The following PREX1 variants were observed in gnomAD, a reference collection of about 807,000 sequenced individuals.
PREX1 encodes phosphatidylinositol 3,4,5-trisphosphate-dependent Rac exchanger 1 protein.
PREX1 carries 41 observed loss-of-function variants against 198.3 expected under a neutral mutation model. The observed-to-expected ratio is 0.21, with a 90% CI of 0.16 to 0.27. PREX1 has a LOEUF of 0.27. Ranked by LOEUF, PREX1 falls within the 10% of genes least tolerant of loss-of-function variation. PREX1 has a pLI of 1.00. For synonymous variants in PREX1, 843 were observed against 887.2 expected (o/e 0.95, Z 0.89); for missense variants, 1,620 against 2,200.7 (o/e 0.74, Z 5.28).
chr20:48,712,278 C>T (rs1353226789), intron 5 of PREX1, among the ~76,000 whole-genome samples: 1 of 152,164 alleles, frequency 6.6e-6, no homozygotes, highest in Non-Finnish European at 1.5e-5. Context: ...GGTCCCCTAC[C>T]CAAGGGCACG....
intron 10 of PREX1, among the ~76,000 whole-genome samples, chr20:48,683,170 ATGTT>A (rs1436220160): frequency 6.6e-6 from 1 of 152,126 alleles, no homozygotes; most frequent in African/African-American, 2.4e-5. Flanking sequence ...AGGGGAACAG[ATGTT>A]TGAGTGCCCA....
intron 1 of PREX1, among the ~76,000 whole-genome samples, chr20:48,778,948 GAA>G (rs1478284672): frequency 6.6e-6 from 1 of 152,018 alleles, no homozygotes; most frequent in Non-Finnish European, 1.5e-5. Flanking sequence ...CTGAGATTAA[GAA>G]AAGAGTTCTT....
intron 1 of PREX1, among the ~76,000 whole-genome samples, chr20:48,802,267 A>G (rs541308986): frequency 1.3e-5 from 2 of 152,058 alleles, no homozygotes; most frequent in East Asian, 3.9e-4. Context: ...CTCTTACAAT[A>G]AAAGCCCAAC....
At chr20:48,845,523 C>T in the PREX1 span, among the ~76,000 whole-genome samples, 1 of 151,902 alleles carries the variant, frequency 6.6e-6, no homozygotes, top group Non-Finnish European at 1.5e-5. Flanking sequence ...GGCAACATGA[C>T]GAAAAGTGTC....
At chr20:48,886,280 AGCCTCCGTGGTAAG>A in the PREX1 span, among the ~76,000 whole-genome samples, 2 of 152,224 alleles carry the variant, frequency 1.3e-5, no homozygotes, top group African/African-American at 4.8e-5. Flanking sequence ...AAATTCTGGA[AGCCTCCGTGGTAAG>A]GCCAGTCACA....
chr20:48,856,459 C>T, the PREX1 span, among the ~76,000 whole-genome samples: 934 of 152,302 alleles, frequency 6.1e-3, 6 homozygotes, highest in Non-Finnish European at 8.1e-3. Flanking sequence ...CAAACATTCC[C>T]ATCCTCTCCT....
In PREX1 at chr20:48,651,379, G is replaced by C. The variant is rs750078587; in HGVS notation, c.2655+17C>G. 2 of 1,585,728 alleles carry C rather than the reference G, an allele frequency of 1.3e-6. No individual in the cohort carries two copies. The highest frequency in any genetic ancestry group is 4.5e-5 in the East Asian group (2 of 44,394). On this transcript the variant is annotated intron_variant, in intron 22 of 39. Transcript: ENST00000371941. ...ATCCCCCAGGGTAGGGCAGGGCCAG[G>C]CAGTGCCCAAGGAGACCTTGGCGGT...
At chr20:48,838,132 T>C in the PREX1 span, among the ~76,000 whole-genome samples, 1 of 152,068 alleles carries the variant, frequency 6.6e-6, no homozygotes, top group Non-Finnish European at 1.5e-5. Flanking sequence ...TCCTCTCCGG[T>C]TGGGAGGGGT....
Position 48,779,634 on chromosome 20 carries a change from G to A in PREX1, c.220-31754C>T, listed in dbSNP as rs542643855. ...CATGTGAATGGATAAACAAACTGTG[G>A]TATATCCAAACAAGGGAGTACTACT... On this transcript the variant is annotated intron_variant, in intron 1 of 39. Coordinates refer to ENST00000371941, the MANE Select transcript of PREX1 (RefSeq NM_020820.4). Among the ~76,000 whole-genome samples the A allele has an allele frequency of 8.8e-5, 8 of 91,090 alleles. 1 individual carries two copies. In the South Asian group the frequency reaches 2.4e-3, roughly 27 times the overall value. 59.8% of individuals were successfully genotyped at this position (91,090 alleles called of 152,430 possible). A position where few individuals can be genotyped will look rare whatever the true frequency, so the allele number is the denominator to read the frequency against.
At chr20:48,749,256 A>C (rs1257164842) in intron 1 of PREX1, among the ~76,000 whole-genome samples, 46 of 152,264 alleles carry the variant, frequency 3.0e-4, no homozygotes, top group Non-Finnish European at 1.5e-5. Flanking sequence ...AAAGGAATTC[A>C]TGGTGCTGTC....
chr20:48,803,425 A>C (rs576031777), intron 1 of PREX1, among the ~76,000 whole-genome samples: 2 of 152,272 alleles, frequency 1.3e-5, no homozygotes, highest in South Asian at 4.1e-4. Flanking sequence ...TGCCATCTGG[A>C]GCCCCTTTGT....
chr20:48,879,722 A>G, the PREX1 span, among the ~76,000 whole-genome samples: 7 of 152,350 alleles, frequency 4.6e-5, no homozygotes, highest in Admixed American at 3.3e-4. Flanking sequence ...ATTGATAACT[A>G]TGTAACCTCT....
At chr20:48,627,995 C>T (rs762804437) in intron 37 of PREX1, 32 bp from the exon 38 acceptor site, 4 of 877,746 alleles carry the variant, frequency 4.6e-6, no homozygotes, top group African/African-American at 1.9e-5. Flanking sequence ...AGCGGGTTGG[C>T]GGTGGGGGGA....
intron 29 of PREX1, among the ~76,000 whole-genome samples, chr20:48,640,175 A>T (rs1175990314): frequency 6.6e-6 from 1 of 152,242 alleles, no homozygotes; most frequent in Non-Finnish European, 1.5e-5. Flanking sequence ...AGACCTCACA[A>T]ATCAATCACG....
At chr20:48,721,999 T>G (rs2089988516) in intron 5 of PREX1, among the ~76,000 whole-genome samples, 1 of 152,080 alleles carries the variant, frequency 6.6e-6, no homozygotes, top group Non-Finnish European at 1.5e-5. Context: ...GGGAAAGGCA[T>G]GAGTATGCTT....
At chr20:48,882,427 A>G in the PREX1 span, among the ~76,000 whole-genome samples, 3 of 136,546 alleles carry the variant, frequency 2.2e-5, no homozygotes, top group Middle Eastern at 3.9e-3. Context: ...GCGTGAACCC[A>G]GGAGGTGGAG....
rs533308222 is a variant in PREX1, at chr20:48,666,446, T to A, written c.1666-91A>T. ...AGAAGCCCACAACCACCCAAGAAGG[T>A]AGGCTCCACGAGGGCCAGGGGTTGT... On this transcript the variant is annotated intron_variant, in intron 14 of 39. Coordinates refer to ENST00000371941, the MANE Select transcript of PREX1 (RefSeq NM_020820.4). This position sits in a 1 kb window ranked among gnomAD's most constrained non-coding sequence, Gnocchi z 4.3. The A allele has an allele frequency of 2.8e-5, 31 of 1,123,174 alleles. No individual in the cohort carries two copies. The Admixed American group carries it at 3.8e-4, about 14-fold the overall frequency. 69.6% of individuals were successfully genotyped at this position (1,123,174 alleles called of 1,614,324 possible).
chr20:48,750,228 A>ACC (rs1303735887), intron 1 of PREX1, among the ~76,000 whole-genome samples: 1 of 149,978 alleles, frequency 6.7e-6, no homozygotes, highest in Non-Finnish European at 1.5e-5. Context: ...CACAGCCACC[A>ACC]CCCCCCCAGT....
chr20:48,881,565 C>T, the PREX1 span, among the ~76,000 whole-genome samples: 1 of 151,612 alleles, frequency 6.6e-6, no homozygotes, highest in South Asian at 2.1e-4. Context: ...CAGCTCACTA[C>T]AACCTCTGCC....
Sources: gnomAD v4.1 joint callset for allele counts (sites outside exome capture counted in the v4.1 genomes callset) on GRCh38, gnomAD v4.1.1 for gene constraint, Gnocchi (gnomAD v3.1) non-coding constraint, MANE v1.5 for transcripts, NCBI Gene and HGNC (gene_info 2026-07-23, HGNC 2026-07-21) for gene names.